ADGRL2: variants seen among roughly 807,000 people sequenced by gnomAD.
ADGRL2 encodes the protein adhesion G protein-coupled receptor L2.
A neutral mutation model predicts 157.4 loss-of-function variants in ADGRL2; 44 were observed. The observed-to-expected ratio is 0.28, with a 90% CI of 0.22 to 0.36. The LOEUF (loss-of-function observed/expected upper bound fraction) is 0.36. Ranked by LOEUF, ADGRL2 falls within the 10% of genes least tolerant of loss-of-function variation. The pLI is 1.00. For synonymous variants in ADGRL2, 585 were observed against 624.7 expected, an observed-to-expected ratio of 0.94 and a Z score of 0.95; for missense variants, 1,510 against 1,768.9, an observed-to-expected ratio of 0.85 and a Z score of 2.63.
At chr1:81,311,355 C>T (rs1659742336) in intron 1 of ADGRL2, among the ~76,000 whole-genome samples, 1 of 152,128 alleles carries the variant, frequency 6.6e-6, no homozygotes, top group Non-Finnish European at 1.5e-5. Flanking sequence ...TGTCTATTCT[C>T]AATGCCTGCA....
rs72940985 is a variant in ADGRL2, at chr1:81,480,519, A to C, written c.-248+35430A>C. Among the ~76,000 whole-genome samples, 474 of 151,552 alleles carry C rather than the reference A, an allele frequency of 3.1e-3. 2 individuals carry two copies. Among genetic ancestry groups the C allele is most frequent in the African/African-American group, 0.011 (467 of 40,822 alleles). ...TTTTAATTTCAGAACATATAGCATA[A>C]GCCCACCCTTTCTTTCTCTGTATAA... On this transcript the variant is annotated intron_variant, in intron 2 of 24. Transcript: ENST00000370721.
chr1:81,920,589 A>G (rs1440871875), intron 3 of ADGRL2, among the ~76,000 whole-genome samples: 1 of 152,038 alleles, frequency 6.6e-6, no homozygotes, highest in African/African-American at 2.4e-5. Context: ...TCTTTGCTTC[A>G]TTTCAGGGAC....
intron 2 of ADGRL2, among the ~76,000 whole-genome samples, chr1:81,475,723 A>T (rs888736392): frequency 3.3e-5 from 5 of 152,188 alleles, no homozygotes; most frequent in African/African-American, 4.8e-5. Context: ...ACTGTAAGTG[A>T]TAAAGACTGG....
At chr1:81,803,782 C>T (rs1326305822) in intron 1 of ADGRL2, among the ~76,000 whole-genome samples, 1 of 152,070 alleles carries the variant, frequency 6.6e-6, no homozygotes, top group African/African-American at 2.4e-5. Flanking sequence ...TGATTTTATT[C>T]TGCATTCTTT....
intron 1 of ADGRL2, among the ~76,000 whole-genome samples, chr1:81,384,382 T>C (rs2076398921): frequency 6.6e-6 from 1 of 152,130 alleles, no homozygotes; most frequent in Admixed American, 6.5e-5. Flanking sequence ...TGTTTGTGAC[T>C]AGAAAATTGC....
intron 2 of ADGRL2, among the ~76,000 whole-genome samples, chr1:81,458,803 T>C (rs2077861350): frequency 6.6e-6 from 1 of 152,120 alleles, no homozygotes; most frequent in Admixed American, 6.5e-5. Context: ...CCCCAGGAAA[T>C]GTTACAGCTC....
At chr1:81,566,208 G>T (rs781092053) in intron 2 of ADGRL2, among the ~76,000 whole-genome samples, 3 of 152,036 alleles carry the variant, frequency 2.0e-5, no homozygotes, top group Non-Finnish European at 4.4e-5. Context: ...AACATGTATT[G>T]GTTCCTGCAA....
At chr1:81,783,115 C>A (rs997872644) in intron 2 of ADGRL2, among the ~76,000 whole-genome samples, 9 of 152,026 alleles carry the variant, frequency 5.9e-5, no homozygotes, top group Non-Finnish European at 1.2e-4. Context: ...CTGTATTCAC[C>A]TTTCTTGCTA....
At chr1:81,490,807 TACATATGC>T (rs1430273035) in intron 2 of ADGRL2, among the ~76,000 whole-genome samples, 1 of 152,204 alleles carries the variant, frequency 6.6e-6, no homozygotes, top group Non-Finnish European at 1.5e-5. Context: ...CATAAATGCA[TACATATGC>T]ACATTAAAAG....
intron 1 of ADGRL2, among the ~76,000 whole-genome samples, chr1:81,757,668 G>A (rs930355912): frequency 6.6e-6 from 1 of 152,124 alleles, no homozygotes; most frequent in Non-Finnish European, 1.5e-5. Context: ...GGGGCTGCCC[G>A]AATCACGAAT....
At chr1:81,694,571 T>G (rs2083406025) in intron 3 of ADGRL2, among the ~76,000 whole-genome samples, 1 of 152,042 alleles carries the variant, frequency 6.6e-6, no homozygotes, top group Admixed American at 6.6e-5. Context: ...TAATAAAAAC[T>G]TAATTAAAAC....
At chr1:81,984,736 T>A (rs1219592062) in intron 20 of ADGRL2, 25 bp downstream of exon 20, 2 of 1,610,358 alleles carry the variant, frequency 1.2e-6, no homozygotes, top group Non-Finnish European at 1.7e-6. Flanking sequence ...GACAGCATCT[T>A]TAATTAACCT....
At chr1:81,604,660 C>A (rs2081398046) in intron 3 of ADGRL2, among the ~76,000 whole-genome samples, 1 of 152,100 alleles carries the variant, frequency 6.6e-6, no homozygotes, top group African/African-American at 2.4e-5. Context: ...GAGAGCTGGC[C>A]ACCCTACCAA....
At chr1:81,339,127 T>C (rs1472261492) in intron 1 of ADGRL2, among the ~76,000 whole-genome samples, 2 of 152,188 alleles carry the variant, frequency 1.3e-5, no homozygotes, top group Non-Finnish European at 2.9e-5. Flanking sequence ...TAACTAATAT[T>C]TGTTGAGCAT....
chr1:81,527,540 T>C (rs1017217959), intron 2 of ADGRL2, among the ~76,000 whole-genome samples: 63 of 152,088 alleles, frequency 4.1e-4, no homozygotes, highest in Admixed American at 2.0e-4. Context: ...GGAGAAACCC[T>C]GTCTCTACTA....
At chr1:81,740,384 T>C (rs2085034963) in intron 1 of ADGRL2, among the ~76,000 whole-genome samples, 1 of 152,220 alleles carries the variant, frequency 6.6e-6, no homozygotes. Context: ...TTAGTAGCCA[T>C]GTCTGAAATG....
intron 1 of ADGRL2, among the ~76,000 whole-genome samples, chr1:81,444,298 A>C (rs1204981741): frequency 2.0e-5 from 3 of 152,208 alleles, no homozygotes; most frequent in African/African-American, 7.2e-5. Context: ...AAGACCAGTA[A>C]AGCAAACAAA....
At chr1:81,577,523 G>A (rs903745846) in intron 2 of ADGRL2, among the ~76,000 whole-genome samples, 2 of 152,134 alleles carry the variant, frequency 1.3e-5, no homozygotes, top group South Asian at 2.1e-4. Context: ...GCTCTGTTTT[G>A]TAGCTGTGCC....
At chr1:81,702,354 T>C (rs775949331) in intron 1 of ADGRL2, among the ~76,000 whole-genome samples, 17 of 152,174 alleles carry the variant, frequency 1.1e-4, no homozygotes, top group Non-Finnish European at 1.9e-4. Context: ...CCAATGTACA[T>C]GTACAAAGAT....
Sources: allele counts gnomAD v4.1 joint callset (sites outside exome capture counted in the v4.1 genomes callset), GRCh38; gene constraint gnomAD v4.1.1; transcripts MANE v1.5; gene names NCBI Gene and HGNC (gene_info 2026-07-23, HGNC 2026-07-21).